ADCY2: variants seen among roughly 807,000 people sequenced by gnomAD.
ADCY2 encodes adenylate cyclase type 2.
ADCY2 carries 31 observed loss-of-function variants against 125.2 expected under a neutral mutation model. That is an observed-to-expected ratio of 0.25 (90% confidence interval 0.19 to 0.33). ADCY2 has a LOEUF of 0.33. Among genes scored for constraint, ADCY2 ranks in the 10% least tolerant of loss-of-function variants. ADCY2 has a pLI of 1.00. For synonymous variants in ADCY2, 512 were observed against 548.4 expected (o/e 0.93, Z 0.93); for missense variants, 904 against 1,418.2 (o/e 0.64, Z 5.82).
chr5:7,805,953 T>C (rs559345962), intron 22 of ADCY2, among the ~76,000 whole-genome samples: 1 of 152,252 alleles, frequency 6.6e-6, no homozygotes, highest in East Asian at 1.9e-4. Context: ...TATGCATTAC[T>C]TCAGTAATAA....
intron 14 of ADCY2, 53 bp from the exon 15 acceptor site, chr5:7,743,615 A>T: frequency 2.6e-6 from 4 of 1,541,646 alleles, no homozygotes; most frequent in Non-Finnish European, 3.6e-6. Flanking sequence ...GTAGCTTTCC[A>T]GAATGAGAGA....
At chr5:7,614,649 G>A (rs1209985258) in intron 3 of ADCY2, among the ~76,000 whole-genome samples, 3 of 152,198 alleles carry the variant, frequency 2.0e-5, no homozygotes, top group Non-Finnish European at 4.4e-5. Context: ...AAGTGAATGT[G>A]AAGCACTGTG....
At chr5:7,653,355 T>C (rs1157021009) in intron 4 of ADCY2, among the ~76,000 whole-genome samples, 1 of 152,178 alleles carries the variant, frequency 6.6e-6, no homozygotes, top group East Asian at 1.9e-4. Flanking sequence ...ATGATGATAA[T>C]CATCCCCATG....
intron 3 of ADCY2, among the ~76,000 whole-genome samples, chr5:7,561,535 T>G (rs1033991299): frequency 6.6e-6 from 1 of 152,178 alleles, no homozygotes; most frequent in Non-Finnish European, 1.5e-5. Flanking sequence ...GAAACTTTCT[T>G]ATGCAGTGCA....
intron 12 of ADCY2, among the ~76,000 whole-genome samples, chr5:7,718,145 A>ATTTTTTTTTTT (rs59353850): frequency 1.7e-5 from 2 of 115,418 alleles, no homozygotes; most frequent in African/African-American, 3.5e-5. Context: ...CCTGTTTTAG[A>ATTTTTTTTTTT]TTTTTTTTTT....
At chr5:7,756,399 C>T (rs990731820) in intron 15 of ADCY2, among the ~76,000 whole-genome samples, 8 of 152,074 alleles carry the variant, frequency 5.3e-5, no homozygotes, top group Non-Finnish European at 7.3e-5. Context: ...TATGTATAGC[C>T]GCATATTCAC....
chr5:7,663,218 G>A (rs2126695263), intron 4 of ADCY2, among the ~76,000 whole-genome samples: 1 of 152,308 alleles, frequency 6.6e-6, no homozygotes, highest in East Asian at 1.9e-4. Flanking sequence ...GATTGACACA[G>A]ATTTAGCCAC....
intron 3 of ADCY2, among the ~76,000 whole-genome samples, chr5:7,560,142 C>G (rs1735663188): frequency 6.6e-6 from 1 of 152,104 alleles, no homozygotes; most frequent in South Asian, 2.1e-4. Context: ...TAGCCCATTG[C>G]TGGAAACTGG....
chr5:7,751,464 G>C (rs1273563362), intron 15 of ADCY2, among the ~76,000 whole-genome samples: 1 of 152,176 alleles, frequency 6.6e-6, no homozygotes, highest in Non-Finnish European at 1.5e-5. Context: ...GTAGTCTAAA[G>C]TATCATTTAC....
At chr5:7,724,493 A>G (rs1741872125) in intron 12 of ADCY2, 52 bp from the exon 13 acceptor site, 2 of 1,341,356 alleles carry the variant, frequency 1.5e-6, no homozygotes, top group Admixed American at 1.7e-5. Flanking sequence ...ATAGTTCCAG[A>G]TGTTTGATTG....
chr5:7,621,446 G>T (rs904574856), intron 3 of ADCY2, among the ~76,000 whole-genome samples: 1 of 152,220 alleles, frequency 6.6e-6, no homozygotes, highest in Non-Finnish European at 1.5e-5. Flanking sequence ...CCCTAGAGGG[G>T]GTTGTGTGTG....
At chr5:7,433,445 A>G (rs931510451) in intron 2 of ADCY2, among the ~76,000 whole-genome samples, 4 of 152,172 alleles carry the variant, frequency 2.6e-5, no homozygotes, top group African/African-American at 9.7e-5. Flanking sequence ...CACACATACA[A>G]TGCCTAGGTC....
chr5:7,712,611 A>G (rs1251439114), intron 10 of ADCY2, among the ~76,000 whole-genome samples: 2 of 152,238 alleles, frequency 1.3e-5, no homozygotes, highest in African/African-American at 4.8e-5. Flanking sequence ...AAAACTCCAG[A>G]CAACAATCCT....
At chr5:7,555,423 A>G (rs1276424309) in intron 3 of ADCY2, among the ~76,000 whole-genome samples, 1 of 152,202 alleles carries the variant, frequency 6.6e-6, no homozygotes, top group Non-Finnish European at 1.5e-5. Flanking sequence ...TTTTTGGCAA[A>G]TTGTTCAGAT....
intron 4 of ADCY2, among the ~76,000 whole-genome samples, chr5:7,689,397 C>T (rs571463169): frequency 8.2e-4 from 125 of 152,284 alleles, no homozygotes; most frequent in African/African-American, 2.4e-3. Flanking sequence ...AATGAATAAG[C>T]GAATGAATGA....
At chr5:7,451,935 A>G in intron 2 of ADCY2, among the ~76,000 whole-genome samples, 1 of 152,090 alleles carries the variant, frequency 6.6e-6, no homozygotes, top group East Asian at 1.9e-4. Flanking sequence ...TTATTGAGAT[A>G]GAGTCTTGCT....
intron 3 of ADCY2, among the ~76,000 whole-genome samples, chr5:7,573,889 T>A (rs1397619470): frequency 7.8e-6 from 1 of 128,978 alleles, no homozygotes; most frequent in African/African-American, 2.8e-5. Flanking sequence ...TAGGTATATC[T>A]CCCAATGCTA....
chr5:7,526,088 C>T (rs550684925), intron 3 of ADCY2, among the ~76,000 whole-genome samples: 3 of 152,338 alleles, frequency 2.0e-5, no homozygotes, highest in South Asian at 4.1e-4. Context: ...CTGACACCCA[C>T]GCATGTGGGG....
chr5:7,670,039 C>T (rs1739880021), intron 4 of ADCY2, among the ~76,000 whole-genome samples: 3 of 152,140 alleles, frequency 2.0e-5, no homozygotes, highest in Admixed American at 1.3e-4. Context: ...GGTAACCACT[C>T]CAGACAGTTA....
Sources: allele counts gnomAD v4.1 joint callset (sites outside exome capture counted in the v4.1 genomes callset), GRCh38; gene constraint gnomAD v4.1.1; transcripts MANE v1.5; gene names NCBI Gene and HGNC (gene_info 2026-07-23, HGNC 2026-07-21).